Variants in PCSK2 observed in about 807,000 individuals in gnomAD.
PCSK2 encodes neuroendocrine convertase 2.
Under a neutral mutation model 69.7 loss-of-function variants are expected in PCSK2, and 14 were observed. That is an observed-to-expected ratio of 0.20 (90% CI 0.13 to 0.31). PCSK2 has a LOEUF of 0.31. PCSK2 is among the 10% of genes least tolerant of loss of function. PCSK2 has a pLI of 1.00. For synonymous variants in PCSK2, 307 were observed against 320.7 expected, an observed-to-expected ratio of 0.96 and a Z score of 0.46; for missense variants, 544 against 842.5, an observed-to-expected ratio of 0.65 and a Z score of 4.39.
At chr20:17,290,102 C>T (rs1279636578) in intron 2 of PCSK2, among the ~76,000 whole-genome samples, 1 of 152,168 alleles carries the variant, frequency 6.6e-6, no homozygotes, top group Non-Finnish European at 1.5e-5. Flanking sequence ...TTTTAATTTG[C>T]ATGTACTTGA....
intron 8 of PCSK2, among the ~76,000 whole-genome samples, chr20:17,449,763 G>T (rs2032782886): frequency 1.3e-5 from 2 of 151,586 alleles, no homozygotes; most frequent in African/African-American, 4.8e-5. Context: ...CCGACCTCAG[G>T]GGATCCACCT....
Position 17,397,710 on chromosome 20 carries a change from C to T in PCSK2, c.544-11553C>T, listed in dbSNP as rs180841191. Among the ~76,000 whole-genome samples the T allele has an allele frequency of 3.9e-3, 588 of 152,248 alleles. 7 individuals are homozygous for T. Among genetic ancestry groups the T allele is most frequent in the Non-Finnish European group, 4.2e-3 (287 of 68,018 alleles). The stretch of plus-strand genomic sequence containing the variant: ...GCCAGGCTGGTCTTGAACTCCTGAC[C>T]TCATGATCCACCTGCCTCGGCCTCC... On this transcript the variant is annotated intron_variant, in intron 5 of 11. Transcript: ENST00000262545.
At chr20:17,430,098 A>T (rs1186207742) in intron 7 of PCSK2, among the ~76,000 whole-genome samples, 1 of 152,128 alleles carries the variant, frequency 6.6e-6, no homozygotes, top group African/African-American at 2.4e-5. Flanking sequence ...TCTGCCTAGA[A>T]CCTTTTTCTT....
chr20:17,418,706 C>T (rs1296791937), intron 6 of PCSK2, among the ~76,000 whole-genome samples: 4 of 152,096 alleles, frequency 2.6e-5, no homozygotes, highest in African/African-American at 9.7e-5. Context: ...CCAGCATGAG[C>T]CTCCCACCAG....
At chr20:17,474,217 C>T (rs2033252576) in intron 11 of PCSK2, among the ~76,000 whole-genome samples, 1 of 152,142 alleles carries the variant, frequency 6.6e-6, no homozygotes, top group South Asian at 2.1e-4. Context: ...TGAAGAATCA[C>T]CCTCAGGGGC....
intron 11 of PCSK2, among the ~76,000 whole-genome samples, chr20:17,473,623 G>T (rs1402875151): frequency 1.3e-5 from 2 of 152,054 alleles, no homozygotes; most frequent in Non-Finnish European, 2.9e-5. Context: ...TCTCATAAAA[G>T]CAATACATGG....
rs765879768 is a variant in PCSK2 at position 17,481,832 on chromosome 20, G to C, written c.1679G>C (p.Trp560Ser). ...DKWPFMTTHTWGEDARGTWTL... is the reference protein window; with the variant it reads ...DKWPFMTTHTSGEDARGTWTL... ...TGGCCTTTCATGACCACTCACACGTGGGGGGAAGACGCCCGAGGCACCTGG... is the reference window on the plus strand; with the variant it reads ...TGGCCTTTCATGACCACTCACACGTCGGGGGAAGACGCCCGAGGCACCTGG... The change falls in exon 12 of 12, where the codon TGG (tryptophan) becomes TCG (serine). Residue 560 changes from tryptophan (W) to serine (S), a missense_variant. Trp to Ser is a radical substitution (Grantham distance 177). Transcript: ENST00000262545. 6.2e-7 allele frequency: 1 copy of C among 1,614,142 alleles called. No homozygotes were observed. Among genetic ancestry groups the C allele is most frequent in the Non-Finnish European group, 8.5e-7 (1 of 1,180,014 alleles).
chr20:17,360,712 T>C (rs1266349646), intron 4 of PCSK2, 72 bp downstream of exon 4: 2 of 903,866 alleles, frequency 2.2e-6, no homozygotes, highest in Non-Finnish European at 3.6e-6. Context: ...AAAAGTTGTA[T>C]TGTTTTGGAG....
chr20:17,423,229 T>C (rs2032171024), intron 6 of PCSK2, among the ~76,000 whole-genome samples: 2 of 152,288 alleles, frequency 1.3e-5, no homozygotes, highest in South Asian at 2.1e-4. Flanking sequence ...ACATGTGAAG[T>C]AGACATTGGC....
intron 1 of PCSK2, among the ~76,000 whole-genome samples, chr20:17,258,333 T>C (rs1382691573): frequency 1.3e-5 from 2 of 152,236 alleles, no homozygotes; most frequent in South Asian, 2.1e-4. Context: ...GCAAACCTCT[T>C]GTCAATTTCC....
intron 2 of PCSK2, among the ~76,000 whole-genome samples, chr20:17,313,310 G>A (rs78794157): frequency 0.078 from 11,832 of 152,044 alleles, 655 homozygotes; most frequent in South Asian, 0.28. Context: ...GGAGCTGACG[G>A]TCTAGCTCCT....
intron 2 of PCSK2, among the ~76,000 whole-genome samples, chr20:17,303,410 ATGTATGGTT>A (rs1989162211): frequency 8.9e-6 from 1 of 112,896 alleles, no homozygotes; most frequent in South Asian, 2.6e-4. Context: ...TGTAATATAT[ATGTATGGTT>A]ATATATTTTT....
intron 2 of PCSK2, among the ~76,000 whole-genome samples, chr20:17,313,158 A>T (rs950380285): frequency 6.6e-6 from 1 of 152,216 alleles, no homozygotes; most frequent in African/African-American, 2.4e-5. Flanking sequence ...ACACATGATC[A>T]ATATTCTAAA....
intron 7 of PCSK2, among the ~76,000 whole-genome samples, chr20:17,431,901 G>A (rs967733924): frequency 6.6e-6 from 1 of 152,106 alleles, no homozygotes; most frequent in Non-Finnish European, 1.5e-5. Context: ...CTTTCCATTC[G>A]GGAGCTTTCT....
intron 2 of PCSK2, among the ~76,000 whole-genome samples, chr20:17,265,902 C>T (rs931953519): frequency 5.3e-5 from 8 of 152,160 alleles, no homozygotes; most frequent in African/African-American, 1.9e-4. Context: ...TCCCTGGGGC[C>T]ACACAGCTAT....
chr20:17,378,737 G>T (rs1212772618), intron 5 of PCSK2, among the ~76,000 whole-genome samples: 1 of 151,846 alleles, frequency 6.6e-6, no homozygotes, highest in Non-Finnish European at 1.5e-5. Context: ...AAGATGGGAG[G>T]ATGCTAATGA....
At chr20:17,283,005 TA>T (rs1988377100) in intron 2 of PCSK2, among the ~76,000 whole-genome samples, 3 of 152,196 alleles carry the variant, frequency 2.0e-5, no homozygotes, top group Non-Finnish European at 2.9e-5. Flanking sequence ...GAGTTAGGCT[TA>T]AGAGTGGTGG....
chr20:17,473,228 C>T (rs762999025), intron 11 of PCSK2, among the ~76,000 whole-genome samples: 1 of 151,568 alleles, frequency 6.6e-6, no homozygotes, highest in East Asian at 2.0e-4. Flanking sequence ...TGAGTAGCTG[C>T]GATTACAGGT....
At chr20:17,324,886 T>C (rs1387133506) in intron 2 of PCSK2, among the ~76,000 whole-genome samples, 1 of 152,136 alleles carries the variant, frequency 6.6e-6, no homozygotes, top group East Asian at 1.9e-4. Context: ...ACAGACCCCC[T>C]ACTGCCTCAC....
Sources: gnomAD v4.1 joint callset for allele counts (sites outside exome capture counted in the v4.1 genomes callset) on GRCh38, gnomAD v4.1.1 for gene constraint, MANE v1.5 for transcripts, NCBI Gene and HGNC (gene_info 2026-07-23, HGNC 2026-07-21) for gene names.